POU6F2: variants seen among roughly 807,000 people sequenced by gnomAD.
POU6F2 encodes the protein POU domain, class 6, transcription factor 2.
Under a neutral mutation model 71.3 loss-of-function variants are expected in POU6F2, and 31 were observed. The ratio of observed to expected loss-of-function variants is 0.43; its 90% CI spans 0.33 to 0.59. The LOEUF is 0.59. POU6F2 is among the 20% of genes least tolerant of loss of function. The pLI, the probability that POU6F2 is intolerant of heterozygous loss-of-function variation, is 0.04. For synonymous variants in POU6F2, 347 were observed against 355.7 expected (o/e 0.98, Z 0.27); for missense variants, 783 against 856.8 (o/e 0.91, Z 1.07).
intron 6 of POU6F2, among the ~76,000 whole-genome samples, chr7:39,420,161 A>C (rs1296987229): frequency 6.6e-6 from 1 of 152,228 alleles, no homozygotes; most frequent in Non-Finnish European, 1.5e-5. Flanking sequence ...TTTTAAATTC[A>C]CATGGAATTT....
At chr7:39,306,837 G>C (rs969167416) in intron 4 of POU6F2, among the ~76,000 whole-genome samples, 6 of 152,214 alleles carry the variant, frequency 3.9e-5, no homozygotes, top group African/African-American at 1.4e-4. Flanking sequence ...CCAAACTGGA[G>C]TTGTTGCTTT....
At chr7:39,128,541 T>C (rs1288261539) in intron 2 of POU6F2, among the ~76,000 whole-genome samples, 3 of 152,226 alleles carry the variant, frequency 2.0e-5, no homozygotes, top group African/African-American at 4.8e-5. Flanking sequence ...GTGGGAAATA[T>C]TCCTGCATAA....
At chr7:39,253,846 A>G (rs1205453699) in intron 4 of POU6F2, among the ~76,000 whole-genome samples, 1 of 152,198 alleles carries the variant, frequency 6.6e-6, no homozygotes, top group Admixed American at 6.5e-5. Context: ...TACGATAGCC[A>G]AACCATTATA....
chr7:39,078,676 G>T (rs891251564), intron 1 of POU6F2, among the ~76,000 whole-genome samples: 1 of 152,166 alleles, frequency 6.6e-6, no homozygotes, highest in Non-Finnish European at 1.5e-5. Flanking sequence ...AACTTTTTCT[G>T]TAAAGAGGTA....
chr7:39,419,579 A>C (rs1334620037), intron 6 of POU6F2, among the ~76,000 whole-genome samples: 1 of 152,050 alleles, frequency 6.6e-6, no homozygotes, highest in Non-Finnish European at 1.5e-5. Context: ...TTTTATGTGG[A>C]TATGCTTTTA....
intron 2 of POU6F2, among the ~76,000 whole-genome samples, chr7:39,090,923 C>T (rs1281948683): frequency 4.0e-5 from 6 of 151,538 alleles, no homozygotes; most frequent in Non-Finnish European, 8.8e-5. Context: ...GTCAAACAAA[C>T]CCTTGTCATG....
At chr7:39,400,289 G>T (rs1045349093) in intron 5 of POU6F2, among the ~76,000 whole-genome samples, 1 of 152,324 alleles carries the variant, frequency 6.6e-6, no homozygotes, top group East Asian at 1.9e-4. Context: ...GGAGTTCTGT[G>T]TCAGGAACCA....
chr7:39,154,148 G>A (rs1324625954), intron 2 of POU6F2, among the ~76,000 whole-genome samples: 1 of 152,190 alleles, frequency 6.6e-6, no homozygotes, highest in Non-Finnish European at 1.5e-5. Flanking sequence ...ATCTGGTTAA[G>A]TCATTTAAAA....
intron 8 of POU6F2, among the ~76,000 whole-genome samples, chr7:39,459,229 T>C (rs1788882795): frequency 6.6e-6 from 1 of 152,200 alleles, no homozygotes; most frequent in Non-Finnish European, 1.5e-5. Flanking sequence ...AATGACATTC[T>C]ACAGGACTTT....
At chr7:39,288,374 A>G (rs1418454566) in intron 4 of POU6F2, among the ~76,000 whole-genome samples, 1 of 152,184 alleles carries the variant, frequency 6.6e-6, no homozygotes, top group East Asian at 1.9e-4. Context: ...CAGGGGCATA[A>G]TCATGCTCAT....
intron 1 of POU6F2, among the ~76,000 whole-genome samples, chr7:39,038,175 A>G (rs1790107259): frequency 6.6e-6 from 1 of 152,018 alleles, no homozygotes; most frequent in African/African-American, 2.4e-5. Context: ...CACTTGTAAG[A>G]ACTGTCTGGA....
chr7:39,144,927 A>G (rs1792585089), intron 2 of POU6F2, among the ~76,000 whole-genome samples: 1 of 152,156 alleles, frequency 6.6e-6, no homozygotes, highest in Admixed American at 6.6e-5. Context: ...CTGGAGTTCA[A>G]GTGGCCCAGG....
chr7:39,122,898 G>A (rs1042303909), intron 2 of POU6F2, among the ~76,000 whole-genome samples: 3 of 151,966 alleles, frequency 2.0e-5, no homozygotes, highest in Admixed American at 2.0e-4. Context: ...AGTAGAGACG[G>A]GGTTTTGCCA....
At chr7:39,399,968 C>A (rs73386460) in intron 5 of POU6F2, among the ~76,000 whole-genome samples, 3,904 of 152,280 alleles carry the variant, frequency 0.026, 156 homozygotes, top group African/African-American at 0.09. Context: ...CCTCCCAGCC[C>A]ATGGATACAT....
intron 1 of POU6F2, among the ~76,000 whole-genome samples, chr7:39,068,278 C>T (rs753580183): frequency 2.6e-5 from 4 of 152,224 alleles, no homozygotes; most frequent in Middle Eastern, 3.4e-3. Flanking sequence ...CACTGTACAT[C>T]AGTGCCCTGT....
At chr7:39,392,394 C>T (rs923386876) in intron 5 of POU6F2, among the ~76,000 whole-genome samples, 4 of 152,160 alleles carry the variant, frequency 2.6e-5, no homozygotes, top group Admixed American at 6.5e-5. Context: ...GTGATTCATT[C>T]CAGGACCACA....
chr7:39,426,993 A>T (rs922644758), intron 6 of POU6F2, among the ~76,000 whole-genome samples: 5 of 152,258 alleles, frequency 3.3e-5, no homozygotes, highest in Admixed American at 1.3e-4. Context: ...ATTATATTTC[A>T]TAATAAGTTA....
At chr7:39,031,319 T>C (rs1402615287) in intron 1 of POU6F2, among the ~76,000 whole-genome samples, 1 of 152,226 alleles carries the variant, frequency 6.6e-6, no homozygotes, top group Non-Finnish European at 1.5e-5. Flanking sequence ...AGGAAAATGA[T>C]CTGTAAGCCA....
At chr7:39,039,125 T>G (rs2128711246) in intron 1 of POU6F2, among the ~76,000 whole-genome samples, 1 of 152,148 alleles carries the variant, frequency 6.6e-6, no homozygotes, top group East Asian at 1.9e-4. Flanking sequence ...GGGTGTCCCT[T>G]TCTCTACTAA....
Sources: gnomAD v4.1 joint callset for allele counts (sites outside exome capture counted in the v4.1 genomes callset) on GRCh38, gnomAD v4.1.1 for gene constraint, MANE v1.5 for transcripts, NCBI Gene and HGNC (gene_info 2026-07-23, HGNC 2026-07-21) for gene names.